Variants in XPR1 observed in about 807,000 individuals in gnomAD.
The protein encoded by XPR1 is xenotropic and polytropic retrovirus receptor 1.
A neutral mutation model predicts 87.5 loss-of-function variants in XPR1; 28 were observed. That is an observed-to-expected ratio of 0.32 (90% CI 0.24 to 0.44). The LOEUF (loss-of-function observed/expected upper bound fraction) is 0.44, where lower values mean the gene tolerates loss of function less well. Ranked by LOEUF, XPR1 falls within the 20% of genes least tolerant of loss-of-function variation. XPR1 has a pLI of 1.00. For missense variants in XPR1, 559 were observed against 862.3 expected, an observed-to-expected ratio of 0.65 and a Z score of 4.41; for synonymous variants, 300 against 306.1, an observed-to-expected ratio of 0.98 and a Z score of 0.21.
chr1:180,718,151 G>C (rs1287672882), intron 2 of XPR1, among the ~76,000 whole-genome samples: 2 of 152,130 alleles, frequency 1.3e-5, no homozygotes, highest in Admixed American at 6.5e-5. Flanking sequence ...TAATCAGACT[G>C]TCCTTTTCTG....
rs550784921 is a variant in XPR1 at position 180,884,073 on chromosome 1, T to C, written c.*7T>C. On this transcript the variant is annotated 3_prime_UTR_variant, in exon 15 of 15. Coordinates refer to ENST00000367590, the MANE Select transcript of XPR1 (RefSeq NM_004736.4). The stretch of plus-strand genomic sequence containing the variant: ...TGATGAAGCTAACACTTGAATTTTC[T>C]GAAGTCTAGCTTAACATCTTTGGTT... The C allele has an allele frequency of 4.8e-5, 77 of 1,613,854 alleles. 1 individual carries two copies. In the East Asian group the frequency reaches 1.6e-3, roughly 35 times the overall value.
At position 180,696,510 on chromosome 1, in the gene XPR1, T is replaced by TAAGAATGGTGAAAGTGGGC. The variant is rs1165140059; in HGVS notation, c.121+14139_121+14157dup. Among the ~76,000 whole-genome samples the TAAGAATGGTGAAAGTGGGC allele has an allele frequency of 3.6e-3, 546 of 151,906 alleles. 9 individuals carry two copies. Among genetic ancestry groups the TAAGAATGGTGAAAGTGGGC allele is most frequent in the African/African-American group, 0.013 (527 of 41,342 alleles). ...CTAGGAATTTCAGTACTATGTTGAA[T>TAAGAATGGTGAAAGTGGGC]AAGAATGGTGAAAGTGGGCAAGAAT... On this transcript the variant is annotated intron_variant, in intron 2 of 14. Transcript: ENST00000367590.
In XPR1 at chr1:180,702,024, A is replaced by G. The variant is rs1349802495; in HGVS notation, c.121+19613A>G. ...TGCTTTTCTAGTTCTTTTAATTGTG[A>G]TGTTAGGGTGTCAATTTTGGATCTT... On this transcript the variant is annotated intron_variant, in intron 2 of 14. Coordinates refer to ENST00000367590, the MANE Select transcript of XPR1 (RefSeq NM_004736.4). Among the ~76,000 whole-genome samples, 3 of 86,726 alleles carry G rather than the reference A, an allele frequency of 3.5e-5. No individual in the cohort carries two copies. The East Asian group carries it at 7.7e-4, about 22-fold the overall frequency. The allele number at this position is 86,726 out of a possible 152,430, so 56.9% of individuals were successfully genotyped here.
intron 1 of XPR1, among the ~76,000 whole-genome samples, chr1:180,677,853 C>T (rs1201563032): frequency 1.3e-5 from 2 of 152,182 alleles, no homozygotes; most frequent in African/African-American, 4.8e-5. Flanking sequence ...TGAACAAGGA[C>T]AATTTGGAGG....
intron 2 of XPR1, among the ~76,000 whole-genome samples, chr1:180,786,712 A>G (rs1359630875): frequency 2.0e-5 from 3 of 152,200 alleles, no homozygotes; most frequent in Admixed American, 1.3e-4. Flanking sequence ...GCTTCTCCTG[A>G]AAAATGGAAA....
intron 1 of XPR1, among the ~76,000 whole-genome samples, chr1:180,644,029 T>C (rs1338497182): frequency 1.3e-5 from 2 of 152,158 alleles, no homozygotes; most frequent in African/African-American, 4.8e-5. Context: ...AGTATATAAC[T>C]AAGTGATTGA....
chr1:180,679,225 A>G (rs1557952943), intron 1 of XPR1, among the ~76,000 whole-genome samples: 1 of 151,450 alleles, frequency 6.6e-6, no homozygotes, highest in Non-Finnish European at 1.5e-5. Context: ...AACAAAAAAA[A>G]CGGTGGGTTA....
chr1:180,774,870 G>A (rs926854397), intron 2 of XPR1, among the ~76,000 whole-genome samples: 1 of 152,172 alleles, frequency 6.6e-6, no homozygotes, highest in African/African-American at 2.4e-5. Context: ...TGGAGGCTGG[G>A]AAGTCCAGGA....
intron 1 of XPR1, among the ~76,000 whole-genome samples, chr1:180,647,146 C>T (rs1037458845): frequency 2.6e-5 from 4 of 152,206 alleles, no homozygotes; most frequent in Admixed American, 1.3e-4. Context: ...ATAGGGTTCA[C>T]CCTCCTATAA....
chr1:180,864,911 T>A (rs897831731), intron 12 of XPR1, among the ~76,000 whole-genome samples: 3 of 152,226 alleles, frequency 2.0e-5, no homozygotes, highest in Non-Finnish European at 4.4e-5. Flanking sequence ...GAGGTAAGTA[T>A]GTTAAACTAG....
At chr1:180,770,878 CGCTTATTATT>C (rs1334459370) in intron 2 of XPR1, among the ~76,000 whole-genome samples, 1 of 151,998 alleles carries the variant, frequency 6.6e-6, no homozygotes, top group Non-Finnish European at 1.5e-5. Flanking sequence ...TCTCAACTCC[CGCTTATTATT>C]ATTTTTCCTG....
chr1:180,883,979 G>A, intron 14 of XPR1, 27 bp from the exon 15 acceptor site: 1 of 1,609,356 alleles, frequency 6.2e-7, no homozygotes, highest in East Asian at 2.2e-5. Context: ...TGGACTAAGT[G>A]CTTTTTGTCC....
chr1:180,805,954 G>GTACT, intron 4 of XPR1, 108 bp from the exon 5 acceptor site: 1 of 1,192,666 alleles, frequency 8.4e-7, no homozygotes, highest in Non-Finnish European at 1.2e-6. Flanking sequence ...ATTTCCTAGA[G>GTACT]TACTTAATCT....
chr1:180,873,369 A>C (rs948611399), intron 12 of XPR1, among the ~76,000 whole-genome samples: 1 of 152,238 alleles, frequency 6.6e-6, no homozygotes, highest in Non-Finnish European at 1.5e-5. Context: ...ATACAGGGTA[A>C]GGCAAATGGA....
intron 7 of XPR1, among the ~76,000 whole-genome samples, chr1:180,821,361 G>A (rs1015006190): frequency 2.6e-5 from 4 of 152,116 alleles, no homozygotes; most frequent in African/African-American, 7.2e-5. Context: ...ATCAGCCATC[G>A]ATGTATAGGT....
chr1:180,756,345 G>A (rs913606122), intron 2 of XPR1, among the ~76,000 whole-genome samples: 4 of 152,196 alleles, frequency 2.6e-5, no homozygotes, highest in South Asian at 2.1e-4. Flanking sequence ...AGGATATGAC[G>A]TGATATCTCA....
intron 1 of XPR1, among the ~76,000 whole-genome samples, chr1:180,674,427 G>T (rs6425650): frequency 0.043 from 6,528 of 151,846 alleles, 500 homozygotes; most frequent in African/African-American, 0.15. Flanking sequence ...CCTGGCAAAT[G>T]TTTGTATTTT....
chr1:180,835,656 G>A (rs182980310), intron 10 of XPR1, among the ~76,000 whole-genome samples: 2 of 152,280 alleles, frequency 1.3e-5, no homozygotes, highest in Admixed American at 1.3e-4. Context: ...CAGTTCTGTT[G>A]TAGGTTGATC....
At chr1:180,806,656 G>T in intron 6 of XPR1, 99 bp downstream of exon 6, 1 of 997,668 alleles carries the variant, frequency 1.0e-6, no homozygotes. Flanking sequence ...TTCAGCCAAA[G>T]TTTATAAGTA....
Sources: allele counts gnomAD v4.1 joint callset (sites outside exome capture counted in the v4.1 genomes callset), GRCh38; gene constraint gnomAD v4.1.1; transcripts MANE v1.5; gene names NCBI Gene and HGNC (gene_info 2026-07-23, HGNC 2026-07-21).